The following OPRM1 variants were observed in gnomAD, a reference collection of about 807,000 sequenced individuals.
OPRM1 encodes the protein mu-type opioid receptor.
In OPRM1, 27 loss-of-function variants were observed where a neutral mutation model predicts 31.8. That is an observed-to-expected ratio of 0.85 (90% CI 0.63 to 1.17). The LOEUF (loss-of-function observed/expected upper bound fraction) is 1.17. OPRM1 is among the 50% of genes most tolerant of loss of function. OPRM1 has a pLI of 0.00. For synonymous variants in OPRM1, 196 were observed against 189.9 expected (o/e 1.03, Z -0.26); for missense variants, 536 against 511.1 (o/e 1.05, Z -0.47).
In OPRM1 at chr6:154,092,811, C is replaced by A. The variant is rs555873361; in HGVS notation, c.1164+1339C>A. ...GCTCAAGGGAACACAGGAACTCACA[C>A]CCCCTAGAGAGCATGAGGTAATGAT... is the stretch of plus-strand genomic sequence containing the variant. On this transcript the variant is annotated intron_variant, in intron 3 of 3. Coordinates refer to ENST00000330432, the MANE Select transcript of OPRM1 (RefSeq NM_000914.5). 1.7e-4 allele frequency among the ~76,000 whole-genome samples: 26 copies of A among 152,326 alleles called. No homozygotes were observed. The South Asian group carries it at 4.1e-3, about 24-fold the overall frequency.
chr6:154,188,340 T>C (rs1450115614), intron 3 of OPRM1, among the ~76,000 whole-genome samples: 1 of 152,232 alleles, frequency 6.6e-6, no homozygotes, highest in African/African-American at 2.4e-5. Flanking sequence ...AAATTTATTA[T>C]AAGATGTAAG....
At chr6:154,097,663 G>A (rs1793631802) in intron 3 of OPRM1, among the ~76,000 whole-genome samples, 1 of 151,916 alleles carries the variant, frequency 6.6e-6, no homozygotes, top group South Asian at 2.1e-4. Flanking sequence ...GTAAATGTAG[G>A]TTTAAAATTA....
At chr6:154,108,794 C>G in intron 3 of OPRM1, 10 of 985,380 alleles carry the variant, frequency 1.0e-5, no homozygotes, top group Non-Finnish European at 1.2e-5. Flanking sequence ...CCCATCTTAA[C>G]AGTTGCAATC....
intron 1 of OPRM1, among the ~76,000 whole-genome samples, chr6:154,042,472 A>G (rs1236300157): frequency 2.0e-5 from 3 of 152,232 alleles, no homozygotes; most frequent in Admixed American, 6.5e-5. Context: ...TTTTCTGATT[A>G]TATTAAGGTA....
At chr6:154,057,774 C>T (rs778592899) in intron 1 of OPRM1, among the ~76,000 whole-genome samples, 1 of 152,100 alleles carries the variant, frequency 6.6e-6, no homozygotes, top group Non-Finnish European at 1.5e-5. Context: ...TCATTCCTTT[C>T]GGACATTTGT....
chr6:154,237,949 T>C (rs368959093), intron 3 of OPRM1, among the ~76,000 whole-genome samples: 4 of 152,368 alleles, frequency 2.6e-5, no homozygotes, highest in South Asian at 2.1e-4. Context: ...TGTGCACTTA[T>C]GTACTCTATT....
chr6:154,245,832 G>T (rs1317263964), intron 3 of OPRM1, among the ~76,000 whole-genome samples: 1 of 152,104 alleles, frequency 6.6e-6, no homozygotes, highest in South Asian at 2.1e-4. Context: ...CAACAACATC[G>T]TCATTTTCAA....
chr6:154,114,251 C>T (rs575639635), intron 3 of OPRM1, among the ~76,000 whole-genome samples: 6 of 152,200 alleles, frequency 3.9e-5, no homozygotes, highest in African/African-American at 1.4e-4. Flanking sequence ...TTTTCTTTAC[C>T]GTCTAGGATC....
chr6:154,044,565 G>A (rs1780729259), intron 1 of OPRM1, among the ~76,000 whole-genome samples: 1 of 151,532 alleles, frequency 6.6e-6, no homozygotes, highest in African/African-American at 2.4e-5. Flanking sequence ...AAATTTATTT[G>A]CAAGCATTTT....
At chr6:154,034,917 A>G (rs1293775719), upstream of OPRM1, among the ~76,000 whole-genome samples, 4 of 152,188 alleles carry the variant, frequency 2.6e-5, no homozygotes, top group African/African-American at 7.2e-5. Flanking sequence ...CCTAGATACT[A>G]CCTTCAGGCC....
At chr6:154,070,956 A>G (rs1786576004) in intron 1 of OPRM1, among the ~76,000 whole-genome samples, 2 of 152,220 alleles carry the variant, frequency 1.3e-5, no homozygotes, top group African/African-American at 4.8e-5. Flanking sequence ...TAATCCTTTA[A>G]CAATTAATAT....
chr6:154,138,617 C>G (rs1307902802), intron 3 of OPRM1, among the ~76,000 whole-genome samples: 1 of 152,134 alleles, frequency 6.6e-6, no homozygotes, highest in East Asian at 1.9e-4. Context: ...CTTAAATGAC[C>G]CCATCTTGCC....
At chr6:154,116,661 A>T (rs1796914965) in intron 3 of OPRM1, among the ~76,000 whole-genome samples, 1 of 152,150 alleles carries the variant, frequency 6.6e-6, no homozygotes, top group South Asian at 2.1e-4. Context: ...TAAAACAGAA[A>T]TCCAGGGTAG....
chr6:154,112,305 G>C (rs1562484217), intron 3 of OPRM1, among the ~76,000 whole-genome samples: 1 of 152,116 alleles, frequency 6.6e-6, no homozygotes, highest in Non-Finnish European at 1.5e-5. Context: ...CAATTTTATG[G>C]GTGCTAGAAA....
At chr6:154,035,647 G>GT (rs1282163315), upstream of OPRM1, among the ~76,000 whole-genome samples, 4 of 152,138 alleles carry the variant, frequency 2.6e-5, no homozygotes, top group Non-Finnish European at 4.4e-5. Context: ...AGCTATTAAA[G>GT]TAAGTGTAGG....
chr6:154,107,689 G>T lies in OPRM1; in HGVS notation c.1165-10994G>T, dbSNP rs938825395. 2 of 718,422 alleles carry T rather than the reference G, an allele frequency of 2.8e-6. 1 individual carries two copies. The highest frequency in any genetic ancestry group is 3.0e-5 in the South Asian group (2 of 67,602). The allele number at this position is 718,422 out of a possible 1,614,324, so 44.5% of individuals were successfully genotyped here. ...GACCAAGAGAAGGTACTGCCGTGTG[G>T]TTAAAAGGTCAAGCTCCCAAGGTGG... On this transcript the variant is annotated intron_variant, in intron 3 of 3. Transcript: ENST00000330432.
rs117304632 is a variant in OPRM1, at chr6:154,124,058, T to G, written c.*5337T>G. 6.6e-6 allele frequency among the ~76,000 whole-genome samples: 1 copy of G among 152,098 alleles called. No homozygotes were observed. The highest frequency in any genetic ancestry group is 1.5e-5 in the Non-Finnish European group (1 of 67,984). ...GCTCTGGTTCAAACACCTCTGACAC[T>G]TGAATTACAAATATAAGGACCATTG... On this transcript the variant is annotated 3_prime_UTR_variant, in exon 4 of 4. Transcript: ENST00000330432.
At chr6:154,232,425 A>T (rs1331677383) in intron 3 of OPRM1, among the ~76,000 whole-genome samples, 1 of 152,204 alleles carries the variant, frequency 6.6e-6, no homozygotes. Flanking sequence ...TAGTACTATG[A>T]TCACAGCCTT....
intron 3 of OPRM1, among the ~76,000 whole-genome samples, chr6:154,246,035 A>T (rs1268031640): frequency 1.3e-5 from 2 of 152,164 alleles, no homozygotes; most frequent in Non-Finnish European, 2.9e-5. Context: ...ACACCAGGGG[A>T]CAAGAGGTGA....
Sources: gnomAD v4.1 joint callset for allele counts (sites outside exome capture counted in the v4.1 genomes callset) on GRCh38, gnomAD v4.1.1 for gene constraint, MANE v1.5 for transcripts, NCBI Gene and HGNC (gene_info 2026-07-23, HGNC 2026-07-21) for gene names.